The following CACNB2 variants were observed in gnomAD, a reference collection of about 807,000 sequenced individuals.
CACNB2 encodes the protein voltage-dependent L-type calcium channel subunit beta-2.
CACNB2 carries 42 observed loss-of-function variants against 73.3 expected under a neutral mutation model. The ratio of observed to expected loss-of-function variants is 0.57; its 90% CI spans 0.45 to 0.74. The LOEUF is 0.74. Ranked by LOEUF, CACNB2 falls within the 30% of genes least tolerant of loss-of-function variation. CACNB2 has a pLI of 0.00. For missense variants in CACNB2, 940 were observed against 853.0 expected, an observed-to-expected ratio of 1.10 and a Z score of -1.27; for synonymous variants, 348 against 310.3, an observed-to-expected ratio of 1.12 and a Z score of -1.28.
intron 3 of CACNB2, among the ~76,000 whole-genome samples, chr10:18,466,033 T>A (rs991009959): frequency 6.6e-6 from 1 of 152,146 alleles, no homozygotes; most frequent in Admixed American, 6.6e-5. Flanking sequence ...TTAATAAAAT[T>A]ATCTAAACCT....
At chr10:18,321,558 A>G (rs909171809) in intron 2 of CACNB2, among the ~76,000 whole-genome samples, 1 of 152,224 alleles carries the variant, frequency 6.6e-6, no homozygotes, top group Non-Finnish European at 1.5e-5. Flanking sequence ...TGTAACTCAC[A>G]GGACAAATGC....
At chr10:18,379,507 C>T (rs2042929246) in intron 2 of CACNB2, among the ~76,000 whole-genome samples, 1 of 152,166 alleles carries the variant, frequency 6.6e-6, no homozygotes. Flanking sequence ...AGCCACTGTG[C>T]CTGGCCCCAT....
At chr10:18,152,298 G>T (rs116489150) in intron 2 of CACNB2, among the ~76,000 whole-genome samples, 1 of 152,146 alleles carries the variant, frequency 6.6e-6, no homozygotes, top group Non-Finnish European at 1.5e-5. Flanking sequence ...GTCCTGGTCC[G>T]TGCCAATTGG....
At chr10:18,492,476 C>G (rs2049496526) in intron 3 of CACNB2, among the ~76,000 whole-genome samples, 1 of 151,988 alleles carries the variant, frequency 6.6e-6, no homozygotes, top group Admixed American at 6.6e-5. Context: ...CAAAAGTTAG[C>G]CGGGTGTGGT....
In CACNB2 at chr10:18,428,210, C is replaced by CT. The variant is rs1280321895; in HGVS notation, c.333+26175dup. On this transcript the variant is annotated intron_variant, in intron 3 of 13. Coordinates refer to ENST00000324631, the MANE Select transcript of CACNB2 (RefSeq NM_201596.3). The stretch of plus-strand genomic sequence containing the variant: ...TGTACATTTCAAATGGGAGAGAGCT[C>CT]TTTTTTTTATTTTTTTAGTTTAGTG... Among the ~76,000 whole-genome samples, 5 of 151,858 alleles carry CT rather than the reference C, an allele frequency of 3.3e-5. No homozygotes were observed. The East Asian group carries it at 9.7e-4, about 29-fold the overall frequency.
chr10:18,162,737 T>TA (rs1242438969), intron 2 of CACNB2, among the ~76,000 whole-genome samples: 2 of 152,198 alleles, frequency 1.3e-5, no homozygotes, highest in African/African-American at 4.8e-5. Flanking sequence ...AGGCATGACT[T>TA]ACTTACATAA....
At chr10:18,170,832 C>A (rs1264700723) in intron 2 of CACNB2, among the ~76,000 whole-genome samples, 2 of 152,176 alleles carry the variant, frequency 1.3e-5, no homozygotes, top group East Asian at 3.8e-4. Flanking sequence ...TACCACAATA[C>A]TAGACATCTT....
At chr10:18,261,472 G>C (rs542983582) in intron 2 of CACNB2, among the ~76,000 whole-genome samples, 221 of 152,278 alleles carry the variant, frequency 1.5e-3, no homozygotes, top group Non-Finnish European at 2.8e-3. Context: ...GGAATCTGAG[G>C]TATAGGAGAT....
At chr10:18,239,354 T>C (rs763091204) in intron 2 of CACNB2, among the ~76,000 whole-genome samples, 5 of 152,140 alleles carry the variant, frequency 3.3e-5, no homozygotes, top group Non-Finnish European at 7.3e-5. Flanking sequence ...TTCCACTTTA[T>C]GGGTCCATGC....
chr10:18,204,517 G>C (rs530406987), intron 2 of CACNB2, among the ~76,000 whole-genome samples: 1 of 152,300 alleles, frequency 6.6e-6, no homozygotes, highest in African/African-American at 2.4e-5. Flanking sequence ...GAAAGTGATA[G>C]TTTTTCTTTT....
In CACNB2 at chr10:18,499,592, C is replaced by T. The variant is rs1027416859; in HGVS notation, c.456+1115C>T. Among the ~76,000 whole-genome samples, 23 of 94,934 alleles carry T rather than the reference C, an allele frequency of 2.4e-4. 2 individuals are homozygous for T. The allele number at this position is 94,934 out of a possible 152,430, so 62.3% of individuals were successfully genotyped here. On this transcript the variant is annotated intron_variant, in intron 4 of 13. Transcript: ENST00000324631. ...ATTGCGCCACTGCACCCGAGCCTGG[C>T]GACAGAGTGAGATTCTGTCTCAAAG...
rs147362838 is a variant in CACNB2, at chr10:18,172,910, G to T, written c.213+21935G>T. 6.8e-3 allele frequency among the ~76,000 whole-genome samples: 877 copies of T among 128,428 alleles called. 13 individuals carry two copies. Among genetic ancestry groups the T allele is most frequent in the African/African-American group, 0.023 (803 of 35,158 alleles). 84.3% of individuals were successfully genotyped at this position (128,428 alleles called of 152,430 possible). A position where few individuals can be genotyped will look rare whatever the true frequency, so the allele number is the denominator to read the frequency against. ...GAGTTTCAATTCATCTTCAAATAGG[G>T]AAAATAATAAGGCCTTTTTTTTTTT... On this transcript the variant is annotated intron_variant, in intron 2 of 13. Coordinates refer to ENST00000324631, the MANE Select transcript of CACNB2 (RefSeq NM_201596.3).
chr10:18,365,134 G>A (rs1243302055), intron 2 of CACNB2, among the ~76,000 whole-genome samples: 1 of 152,164 alleles, frequency 6.6e-6, no homozygotes, highest in African/African-American at 2.4e-5. Flanking sequence ...TGATAGTTAA[G>A]ACCATTTCCT....
In CACNB2 at chr10:18,481,211, TATATATATATATATATATA is replaced by T. The variant is rs1304763871; in HGVS notation, c.334-17143_334-17125del. The stretch of plus-strand genomic sequence containing the variant: ...TCTTCGCTATATATATATATATATA[TATATATATATATATATATA>T]TTTTTTTTTTTTTTTTTTTTTTTTT... On this transcript the variant is annotated intron_variant, in intron 3 of 13. Coordinates refer to ENST00000324631, the MANE Select transcript of CACNB2 (RefSeq NM_201596.3). Among the ~76,000 whole-genome samples the T allele has an allele frequency of 2.6e-3, 30 of 11,598 alleles. 1 individual carries two copies. The highest frequency in any genetic ancestry group is 3.5e-3 in the Non-Finnish European group (20 of 5,766). The allele number at this position is 11,598 out of a possible 152,430, so 7.6% of individuals were successfully genotyped here. A position where few individuals can be genotyped will look rare whatever the true frequency, so the allele number is the denominator to read the frequency against.
At chr10:18,265,149 C>CTTTTTT (rs34442607) in intron 2 of CACNB2, among the ~76,000 whole-genome samples, 16 of 120,934 alleles carry the variant, frequency 1.3e-4, no homozygotes, top group South Asian at 2.7e-4. Flanking sequence ...TGGCCATCTT[C>CTTTTTT]TTTTTTTTTT....
chr10:18,377,953 C>G (rs1204021442), intron 2 of CACNB2, among the ~76,000 whole-genome samples: 1 of 152,174 alleles, frequency 6.6e-6, no homozygotes, highest in Non-Finnish European at 1.5e-5. Context: ...ATGATAGACA[C>G]AGGGCCCTTG....
At chr10:18,464,418 T>TAAAAAAAAAA (rs762982462) in intron 3 of CACNB2, among the ~76,000 whole-genome samples, 29 of 85,294 alleles carry the variant, frequency 3.4e-4, no homozygotes, top group South Asian at 2.7e-3. Context: ...TCTCAAAAAT[T>TAAAAAAAAAA]AAAAAAAAAA....
At chr10:18,242,239 T>C (rs2036684954) in intron 2 of CACNB2, among the ~76,000 whole-genome samples, 1 of 151,940 alleles carries the variant, frequency 6.6e-6, no homozygotes, top group African/African-American at 2.4e-5. Context: ...AAAACAATAG[T>C]GCAAAAATTA....
intron 2 of CACNB2, among the ~76,000 whole-genome samples, chr10:18,301,267 C>T (rs1387946482): frequency 1.3e-5 from 2 of 152,126 alleles, no homozygotes; most frequent in African/African-American, 2.4e-5. Flanking sequence ...TCTGATAGCA[C>T]GAAGGAAAGC....
Sources: gnomAD v4.1 joint callset for allele counts (sites outside exome capture counted in the v4.1 genomes callset) on GRCh38, gnomAD v4.1.1 for gene constraint, MANE v1.5 for transcripts, NCBI Gene and HGNC (gene_info 2026-07-23, HGNC 2026-07-21) for gene names.